Variants in NOTCH2 observed in about 807,000 individuals in gnomAD.
NOTCH2 encodes the protein notch receptor 2.
Under a neutral mutation model 235.8 loss-of-function variants are expected in NOTCH2, and 29 were observed. That is an observed-to-expected ratio of 0.12 (90% CI 0.09 to 0.17). The LOEUF (loss-of-function observed/expected upper bound fraction) is 0.17. NOTCH2 is among the 10% of genes least tolerant of loss of function. The pLI, the probability that NOTCH2 is intolerant of heterozygous loss-of-function variation, is 1.00. For synonymous variants in NOTCH2, 1,086 were observed against 1,141.5 expected, an observed-to-expected ratio of 0.95 and a Z score of 0.98; for missense variants, 2,285 against 3,150.2, an observed-to-expected ratio of 0.73 and a Z score of 6.57.
intron 26 of NOTCH2, among the ~76,000 whole-genome samples, chr1:119,923,122 T>C (rs763030793): frequency 3.9e-5 from 6 of 152,218 alleles, no homozygotes; most frequent in Non-Finnish European, 7.3e-5. Context: ...TCAGTGGTAC[T>C]TGGTGCTACT....
At chr1:119,999,615 C>T (rs1160841555) in intron 3 of NOTCH2, among the ~76,000 whole-genome samples, 1 of 151,838 alleles carries the variant, frequency 6.6e-6, no homozygotes, top group African/African-American at 2.4e-5. Flanking sequence ...GAAGTGGTGG[C>T]TGATGCCTGT....
At chr1:120,000,952 G>A (rs1205243568) in intron 3 of NOTCH2, among the ~76,000 whole-genome samples, 43 of 151,836 alleles carry the variant, frequency 2.8e-4, no homozygotes, top group Non-Finnish European at 5.4e-4. Flanking sequence ...ATTCCCATGT[G>A]TTGTGGGAGG....
In NOTCH2 at chr1:120,069,436, C is replaced by G; in HGVS notation, c.-30G>C. On this transcript the variant is annotated 5_prime_UTR_variant, in exon 1 of 34. Transcript: ENST00000256646. ...TCGGTCGCCTCCTCCTCCGCCGCCG[C>G]CGCCGCCGCCTGGGCAGATCCACAT... 1.3e-6 allele frequency: 2 copies of G among 1,530,824 alleles called. No individual in the cohort carries two copies. The highest frequency in any genetic ancestry group is 1.7e-6 in the Non-Finnish European group (2 of 1,146,282). 94.8% of individuals were successfully genotyped at this position (1,530,824 alleles called of 1,614,324 possible). A position where few individuals can be genotyped will look rare whatever the true frequency, so the allele number is the denominator to read the frequency against.
chr1:120,045,732 T>G (rs1423957022), intron 1 of NOTCH2, among the ~76,000 whole-genome samples: 1 of 152,284 alleles, frequency 6.6e-6, no homozygotes. Context: ...ATTGAAAATT[T>G]TAACTCAAAA....
At position 119,913,357 on chromosome 1, in the gene NOTCH2, C is replaced by T. The variant is rs895175295; in HGVS notation, c.*1949G>A. ...ACGCAGGGTTTCCATATGGGGCCAC[C>T]GACAGACAAATCAGGTAAGTGGGAA... On this transcript the variant is annotated 3_prime_UTR_variant, in exon 34 of 34. Coordinates refer to ENST00000256646, the MANE Select transcript of NOTCH2 (RefSeq NM_024408.4). The T allele has an allele frequency of 2.1e-5, 5 of 233,088 alleles. No individual in the cohort carries two copies. The highest frequency in any genetic ancestry group is 1.1e-4 in the Admixed American group (2 of 17,774). The allele number at this position is 233,088 out of a possible 1,614,324, so 14.4% of individuals were successfully genotyped here. A position where few individuals can be genotyped will look rare whatever the true frequency, so the allele number is the denominator to read the frequency against.
chr1:120,042,015 G>A (rs1243908713), intron 1 of NOTCH2, among the ~76,000 whole-genome samples: 2 of 145,100 alleles, frequency 1.4e-5, no homozygotes, highest in East Asian at 1.9e-4. Context: ...GCGAGCGAGC[G>A]AACGAGCAGA....
rs1570745570 is a variant in NOTCH2 at position 120,012,578 on chromosome 1, A to G, written c.156-6990T>C. On this transcript the variant is annotated intron_variant, in intron 2 of 33. Transcript: ENST00000256646. ...TTTCCTTGATTGAGACAACTTTTAC[A>G]TTATACTCATACAATCACAGAATTT... Among the ~76,000 whole-genome samples, 4 of 151,674 alleles carry G rather than the reference A, an allele frequency of 2.6e-5. No homozygotes were observed. The East Asian group carries it at 5.8e-4, about 22-fold the overall frequency.
rs1195488133 is a variant in NOTCH2, at chr1:119,938,686, C to CTT, written c.3184-678_3184-677dup. On this transcript the variant is annotated intron_variant, in intron 19 of 33. Transcript: ENST00000256646. ...TTTTATAATAATTGGTATATTCATT[C>CTT]TTTTTTTTTTTTGAGACGGAGTCTC... is the stretch of plus-strand genomic sequence containing the variant. 4.0e-4 allele frequency among the ~76,000 whole-genome samples: 59 copies of CTT among 145,960 alleles called. 1 individual carries two copies. The highest frequency in any genetic ancestry group is 1.4e-3 in the African/African-American group (57 of 40,064).
rs1364105100 is a variant in NOTCH2, at chr1:119,914,100, A to T, written c.*1206T>A. On this transcript the variant is annotated 3_prime_UTR_variant, in exon 34 of 34. Transcript: ENST00000256646. ...TGTCACTGGGTCCCTTGGGCTAAGG[A>T]AAGTTCAGTCCTAAATGGCAAGGGT... 2.6e-5 allele frequency: 6 copies of T among 233,170 alleles called. No individual in the cohort carries two copies. The highest frequency in any genetic ancestry group is 6.6e-5 in the African/African-American group (3 of 45,332). The allele number at this position is 233,170 out of a possible 1,614,324, so 14.4% of individuals were successfully genotyped here.
intron 2 of NOTCH2, among the ~76,000 whole-genome samples, chr1:120,023,508 C>A (rs1653715375): frequency 8.0e-6 from 1 of 125,726 alleles, no homozygotes; most frequent in Non-Finnish European, 1.6e-5. Flanking sequence ...ACCCTTACTC[C>A]ACTCACCAGT....
At chr1:119,932,607 A>ACAAATATC (rs1553195299) in intron 22 of NOTCH2, among the ~76,000 whole-genome samples, 7 of 148,344 alleles carry the variant, frequency 4.7e-5, no homozygotes, top group African/African-American at 1.2e-4. Flanking sequence ...AAACAAACAA[A>ACAAATATC]TATCTATCTA....
In NOTCH2 at chr1:119,919,532, G is replaced by A. The variant is rs776584638; in HGVS notation, c.5561C>T (p.Ser1854Phe). 4 of 1,613,988 alleles carry A rather than the reference G, an allele frequency of 2.5e-6. No individual in the cohort carries two copies. In the African/African-American group the frequency reaches 4.0e-5, roughly 16 times the overall value. ...CAAGTCTGTGATGATGTTAGCAGAAGAGTCCTCTGCATCTTCATCTTCATC... is the reference window on the plus strand; with the variant it reads ...CAAGTCTGTGATGATGTTAGCAGAAAAGTCCTCTGCATCTTCATCTTCATC... Reference protein sequence around the residue: ...LSDEDEDAEDSSANIITDLVY... With the variant: ...LSDEDEDAEDFSANIITDLVY... Residue 1854 changes from serine (S) to phenylalanine (F), a missense_variant, in exon 31 of 34, where the codon TCT (serine) becomes TTT (phenylalanine). Transcript: ENST00000256646.
At chr1:120,058,227 G>C (rs1655187475) in intron 1 of NOTCH2, among the ~76,000 whole-genome samples, 1 of 152,194 alleles carries the variant, frequency 6.6e-6, no homozygotes, top group African/African-American at 2.4e-5. Context: ...GCAAGGACCA[G>C]GCACGGTGGC....
At chr1:119,983,401 T>C (rs1453254899) in intron 5 of NOTCH2, among the ~76,000 whole-genome samples, 2 of 152,102 alleles carry the variant, frequency 1.3e-5, no homozygotes, top group African/African-American at 2.4e-5. Context: ...GATCCATTCA[T>C]CTCAGTTTCC....
intron 1 of NOTCH2, among the ~76,000 whole-genome samples, chr1:120,037,438 G>A (rs1450575101): frequency 6.6e-6 from 1 of 151,840 alleles, no homozygotes; most frequent in Non-Finnish European, 1.5e-5. Context: ...AAAAATAGGA[G>A]AATTGAGGGC....
intron 3 of NOTCH2, among the ~76,000 whole-genome samples, chr1:120,001,634 A>T (rs1378913218): frequency 1.3e-5 from 2 of 152,070 alleles, no homozygotes; most frequent in Non-Finnish European, 2.9e-5. Context: ...ATTATGTTGG[A>T]CTTCTTCCAT....
At chr1:119,998,456 T>C (rs1652563481) in intron 3 of NOTCH2, among the ~76,000 whole-genome samples, 1 of 152,258 alleles carries the variant, frequency 6.6e-6, no homozygotes, top group Non-Finnish European at 1.5e-5. Flanking sequence ...AGGTATTCCG[T>C]GGACTTTCTC....
Position 119,912,239 on chromosome 1 carries a change from T to C in NOTCH2, c.*3067A>G, listed in dbSNP as rs1648918869. 1 of 233,222 alleles carries C rather than the reference T, an allele frequency of 4.3e-6. No homozygotes were observed. The highest frequency in any genetic ancestry group is 1.8e-4 in the South Asian group (1 of 5,528). The allele number at this position is 233,222 out of a possible 1,614,324, so 14.4% of individuals were successfully genotyped here. The stretch of plus-strand genomic sequence containing the variant: ...CTCATACAAACAGATATAATATCAC[T>C]TTTAAGAGAAATGTACACAAGGAAG... On this transcript the variant is annotated 3_prime_UTR_variant, in exon 34 of 34. Transcript: ENST00000256646.
intron 2 of NOTCH2, among the ~76,000 whole-genome samples, chr1:120,013,851 T>C (rs1270539799): frequency 6.6e-6 from 1 of 151,462 alleles, no homozygotes; most frequent in African/African-American, 2.4e-5. Context: ...CTTCTTGAGA[T>C]GGCTAAAGTT....
Sources: allele counts gnomAD v4.1 joint callset (sites outside exome capture counted in the v4.1 genomes callset), GRCh38; gene constraint gnomAD v4.1.1; transcripts MANE v1.5; gene names NCBI Gene and HGNC (gene_info 2026-07-23, HGNC 2026-07-21).